HTR2C: variants seen among roughly 807,000 people sequenced by gnomAD.
The protein encoded by HTR2C is 5-hydroxytryptamine (serotonin) receptor 2C, G protein-coupled.
Under a neutral mutation model 21.0 loss-of-function variants are expected in HTR2C, and 5 were observed. The observed-to-expected ratio is 0.24, with a 90% CI of 0.12 to 0.50. The LOEUF is 0.50. Ranked by LOEUF, HTR2C falls within the 20% of genes least tolerant of loss-of-function variation. HTR2C has a pLI of 0.98. For missense variants in HTR2C, 271 were observed against 371.2 expected (o/e 0.73, Z 2.22); for synonymous variants, 150 against 145.3 (o/e 1.03, Z -0.23).
chrX:114,720,380 T>C (rs1233318507), intron 2 of HTR2C, among the ~76,000 whole-genome samples: 8 of 110,877 alleles, frequency 7.2e-5, no homozygotes, highest in African/African-American at 2.6e-4. Context: ...ACAAGGATAG[T>C]GCTATTAAAT....
At chrX:114,605,342 G>A (rs1388955263) in intron 1 of HTR2C, among the ~76,000 whole-genome samples, 1 of 109,958 alleles carries the variant, frequency 9.1e-6, no homozygotes, top group East Asian at 2.9e-4. Flanking sequence ...ACCTAGCTCG[G>A]CATGGCGAGG....
chrX:114,703,590 T>C (rs781799369), intron 2 of HTR2C, among the ~76,000 whole-genome samples: 1 of 111,867 alleles, frequency 8.9e-6, no homozygotes, highest in Non-Finnish European at 1.9e-5. Flanking sequence ...TAGCACTAAA[T>C]GCCCACAAGA....
chrX:114,708,930 C>T (rs782629006), intron 2 of HTR2C, among the ~76,000 whole-genome samples: 5 of 111,808 alleles, frequency 4.5e-5, no homozygotes, highest in African/African-American at 1.3e-4. Flanking sequence ...TAGTTGAATA[C>T]ATTATTGCTT....
Position 114,785,351 on chromosome X carries a change from C to CA in HTR2C, c.349+53750dup, listed in dbSNP as rs1556441832. Among the ~76,000 whole-genome samples the CA allele has an allele frequency of 5.4e-5, 6 of 111,260 alleles. No individual in the cohort carries two copies. The South Asian group carries it at 1.9e-3, about 35-fold the overall frequency. On this transcript the variant is annotated intron_variant, in intron 4 of 5. Transcript: ENST00000276198. Reference sequence around the variant, plus strand: ...AGTAGCTCAGTTATCAACATACATGCAAAAAATCCTTAAAGAATTAGAAAA... The same window carrying CA: ...AGTAGCTCAGTTATCAACATACATGCAAAAAAATCCTTAAAGAATTAGAAAA...
intron 4 of HTR2C, among the ~76,000 whole-genome samples, chrX:114,781,373 G>A (rs954032735): frequency 9.0e-6 from 1 of 111,008 alleles, no homozygotes; most frequent in Non-Finnish European, 1.9e-5. Context: ...GTGTGTGCCT[G>A]TAGTCCTACC....
At chrX:114,737,976 A>T (rs1191684824) in intron 4 of HTR2C, among the ~76,000 whole-genome samples, 1 of 112,521 alleles carries the variant, frequency 8.9e-6, no homozygotes, top group African/African-American at 3.2e-5. Context: ...TGAAGAAAGG[A>T]TGCTATAGAC....
At chrX:114,729,893 T>C (rs1178029632) in intron 3 of HTR2C, among the ~76,000 whole-genome samples, 1 of 111,781 alleles carries the variant, frequency 8.9e-6, no homozygotes, top group Admixed American at 9.5e-5. Flanking sequence ...CTATCTTGCA[T>C]AGAAAATTAT....
intron 4 of HTR2C, chrX:114,776,146 G>C (rs1162454841): frequency 1.9e-6 from 1 of 525,792 alleles, no homozygotes; most frequent in Non-Finnish European, 3.4e-6. Flanking sequence ...CCTGAATAAT[G>C]AGGATTGACA....
chrX:114,881,783 A>G (rs1260382353), intron 5 of HTR2C, among the ~76,000 whole-genome samples: 4 of 110,154 alleles, frequency 3.6e-5, no homozygotes, highest in Non-Finnish European at 7.7e-5. Context: ...GAGTCCTCGT[A>G]CTTTGCTCTT....
intron 4 of HTR2C, among the ~76,000 whole-genome samples, chrX:114,817,010 TTATC>T (rs1214406652): frequency 9.0e-6 from 1 of 111,297 alleles, no homozygotes; most frequent in Admixed American, 9.6e-5. Context: ...TATAAAATGT[TTATC>T]TATGATAACT....
intron 2 of HTR2C, among the ~76,000 whole-genome samples, chrX:114,661,094 A>G (rs782086605): frequency 3.7e-4 from 42 of 112,341 alleles, no homozygotes; most frequent in Non-Finnish European, 7.3e-4. Context: ...GCAAGCATCT[A>G]TTTTTAAAGT....
At chrX:114,848,269 G>A (rs1232151359) in intron 5 of HTR2C, 66 bp downstream of exon 5, 1 of 749,137 alleles carries the variant, frequency 1.3e-6, no homozygotes, top group Non-Finnish European at 2.0e-6. Flanking sequence ...ATTATGTACT[G>A]TGAACAACGT....
At chrX:114,865,211 A>G (rs1232434180) in intron 5 of HTR2C, among the ~76,000 whole-genome samples, 1 of 111,859 alleles carries the variant, frequency 8.9e-6, no homozygotes, top group African/African-American at 3.2e-5. Context: ...ATTTGAGGCT[A>G]ACCAATGTTG....
chrX:114,772,843 T>G (rs1462263714), intron 4 of HTR2C, among the ~76,000 whole-genome samples: 1 of 111,867 alleles, frequency 8.9e-6, no homozygotes, highest in Non-Finnish European at 1.9e-5. Context: ...TGGATTACTC[T>G]TTCTTGTGAA....
intron 4 of HTR2C, among the ~76,000 whole-genome samples, chrX:114,777,606 G>A (rs1051042561): frequency 1.8e-5 from 2 of 111,292 alleles, no homozygotes; most frequent in African/African-American, 6.6e-5. Context: ...CACCCAGGCT[G>A]GAGTGCAGTG....
At chrX:114,814,782 TATATAGTATATATC>T (rs1304174151) in intron 4 of HTR2C, among the ~76,000 whole-genome samples, 1,169 of 100,100 alleles carry the variant, frequency 0.012, 16 homozygotes, top group African/African-American at 0.037. Context: ...ATAATAATAT[TATATAGTATATATC>T]ATATAGTATA....
intron 2 of HTR2C, among the ~76,000 whole-genome samples, chrX:114,639,229 T>G (rs1556405974): frequency 8.9e-6 from 1 of 112,309 alleles, no homozygotes; most frequent in Non-Finnish European, 1.9e-5. Context: ...GTGAAATAAA[T>G]ATTTCAAATG....
intron 2 of HTR2C, among the ~76,000 whole-genome samples, chrX:114,633,813 A>G (rs781833321): frequency 9.2e-6 from 1 of 109,146 alleles, no homozygotes; most frequent in South Asian, 3.9e-4. Context: ...ATGTACACAT[A>G]TATATGTGTG....
intron 4 of HTR2C, among the ~76,000 whole-genome samples, chrX:114,811,601 A>G (rs1251401293): frequency 8.9e-6 from 1 of 112,415 alleles, no homozygotes; most frequent in Non-Finnish European, 1.9e-5. Context: ...TTCCCATTGC[A>G]TGCACTCGTT....
Sources: gnomAD v4.1 joint callset for allele counts (sites outside exome capture counted in the v4.1 genomes callset) on GRCh38, gnomAD v4.1.1 for gene constraint, MANE v1.5 for transcripts, NCBI Gene and HGNC (gene_info 2026-07-23, HGNC 2026-07-21) for gene names.